Variants in AUTS2 observed in about 807,000 individuals in gnomAD.
The protein encoded by AUTS2 is autism susceptibility gene 2 protein.
Under a neutral mutation model 112.4 loss-of-function variants are expected in AUTS2, and 17 were observed. The ratio of observed to expected loss-of-function variants is 0.15; its 90% confidence interval spans 0.10 to 0.23. AUTS2 has a LOEUF of 0.23. Among genes scored for constraint, AUTS2 ranks in the 10% least tolerant of loss-of-function variants. The pLI, the probability that AUTS2 is intolerant of heterozygous loss-of-function variation, is 1.00. For synonymous variants in AUTS2, 751 were observed against 702.7 expected, an observed-to-expected ratio of 1.07 and a Z score of -1.09; for missense variants, 1,510 against 1,701.6, an observed-to-expected ratio of 0.89 and a Z score of 1.98.
At chr7:69,709,700 C>T (rs1307420891) in intron 1 of AUTS2, among the ~76,000 whole-genome samples, 1 of 152,150 alleles carries the variant, frequency 6.6e-6, no homozygotes. Flanking sequence ...TTTTCCTTCT[C>T]CTGAGTCTTT....
chr7:69,613,048 T>A (rs1433588632), intron 1 of AUTS2, among the ~76,000 whole-genome samples: 1 of 152,176 alleles, frequency 6.6e-6, no homozygotes, highest in Non-Finnish European at 1.5e-5. Flanking sequence ...AAAAAAAGAA[T>A]AATAATCTCT....
intron 5 of AUTS2, among the ~76,000 whole-genome samples, chr7:70,539,243 T>C (rs893921946): frequency 2.8e-4 from 43 of 152,208 alleles, no homozygotes; most frequent in Non-Finnish European, 4.3e-4. Flanking sequence ...GTTACTATGT[T>C]GTTGTTTGCC....
intron 6 of AUTS2, among the ~76,000 whole-genome samples, chr7:70,704,973 T>C (rs1809659077): frequency 6.6e-6 from 1 of 152,240 alleles, no homozygotes; most frequent in South Asian, 2.1e-4. Flanking sequence ...GCTTTGTACC[T>C]AATCACTCAA....
intron 4 of AUTS2, among the ~76,000 whole-genome samples, chr7:70,268,582 C>T (rs988943049): frequency 1.3e-5 from 2 of 152,104 alleles, no homozygotes; most frequent in African/African-American, 4.8e-5. Context: ...AGTCTCTTAA[C>T]CCTTCTTTAC....
At chr7:70,571,238 T>C (rs1296416501) in intron 5 of AUTS2, among the ~76,000 whole-genome samples, 1 of 152,176 alleles carries the variant, frequency 6.6e-6, no homozygotes, top group Non-Finnish European at 1.5e-5. Flanking sequence ...AGTAGAACTT[T>C]GGGTGGATTT....
rs553358644 is a variant in AUTS2, at chr7:70,377,283, A to G, written c.661-58469A>G. 9.7e-5 allele frequency among the ~76,000 whole-genome samples: 13 copies of G among 134,712 alleles called. No homozygotes were observed. In the East Asian group the frequency reaches 2.7e-3, roughly 28 times the overall value. 88.4% of individuals were successfully genotyped at this position (134,712 alleles called of 152,430 possible). On this transcript the variant is annotated intron_variant, in intron 4 of 18. Coordinates refer to ENST00000342771, the MANE Select transcript of AUTS2 (RefSeq NM_015570.4). The stretch of plus-strand genomic sequence containing the variant: ...CTCATACTCAAACTCTGAGGAGCCA[A>G]AGTCAGCTGAATGGTGTTTGGGTCT...
At chr7:69,913,203 C>T (rs939447518) in intron 2 of AUTS2, among the ~76,000 whole-genome samples, 4 of 152,216 alleles carry the variant, frequency 2.6e-5, no homozygotes, top group Non-Finnish European at 5.9e-5. Flanking sequence ...CTAGTTCAGA[C>T]CCACTTCTTC....
chr7:69,895,307 A>T (rs1403327896), intron 1 of AUTS2, among the ~76,000 whole-genome samples: 1 of 152,220 alleles, frequency 6.6e-6, no homozygotes, highest in East Asian at 1.9e-4. Flanking sequence ...GTAAGCAGTC[A>T]GTACCTGTTT....
At chr7:70,567,068 C>G (rs4717534) in intron 5 of AUTS2, among the ~76,000 whole-genome samples, 45,439 of 152,132 alleles carry the variant, frequency 0.3, 7,250 homozygotes, top group Admixed American at 0.42. Context: ...CATGTATAAA[C>G]CATGCTGCAC....
At chr7:69,931,856 A>T (rs1796239567) in intron 2 of AUTS2, among the ~76,000 whole-genome samples, 5 of 152,232 alleles carry the variant, frequency 3.3e-5, no homozygotes, top group Admixed American at 3.3e-4. Flanking sequence ...CAGCCTGCTA[A>T]TTTGAGAGTG....
chr7:69,966,598 A>G (rs1030186833), intron 2 of AUTS2, among the ~76,000 whole-genome samples: 1 of 152,160 alleles, frequency 6.6e-6, no homozygotes, highest in Non-Finnish European at 1.5e-5. Context: ...AATATTTTTT[A>G]CTTGGCAATA....
chr7:69,638,474 G>A (rs1321914572), intron 1 of AUTS2, among the ~76,000 whole-genome samples: 1 of 152,140 alleles, frequency 6.6e-6, no homozygotes, highest in African/African-American at 2.4e-5. Flanking sequence ...CCTTGATATG[G>A]TACTTTGTAT....
intron 1 of AUTS2, among the ~76,000 whole-genome samples, chr7:69,882,035 A>C (rs1470138187): frequency 6.6e-6 from 1 of 151,558 alleles, no homozygotes; most frequent in Non-Finnish European, 1.5e-5. Flanking sequence ...CTGTAACCCC[A>C]GCTACTCAGG....
intron 5 of AUTS2, among the ~76,000 whole-genome samples, chr7:70,558,194 G>A (rs111731966): frequency 1.8e-4 from 27 of 152,194 alleles, no homozygotes; most frequent in Non-Finnish European, 3.1e-4. Flanking sequence ...TGCTGTTCCC[G>A]AAGCCCAGGC....
chr7:70,287,156 A>G (rs894287459), intron 4 of AUTS2, among the ~76,000 whole-genome samples: 8 of 152,128 alleles, frequency 5.3e-5, no homozygotes, highest in Non-Finnish European at 7.4e-5. Flanking sequence ...TCCTTATGAG[A>G]TTCGCTGGAT....
intron 1 of AUTS2, among the ~76,000 whole-genome samples, chr7:69,796,792 T>G (rs1368775473): frequency 6.6e-6 from 1 of 152,222 alleles, no homozygotes; most frequent in Admixed American, 6.5e-5. Flanking sequence ...TTTTTTTAAT[T>G]GACCTTCATG....
At chr7:70,289,907 A>T (rs1788631712) in intron 4 of AUTS2, among the ~76,000 whole-genome samples, 1 of 152,214 alleles carries the variant, frequency 6.6e-6, no homozygotes, top group Non-Finnish European at 1.5e-5. Flanking sequence ...TGATTCTGAA[A>T]ACTTCAAAAC....
intron 2 of AUTS2, among the ~76,000 whole-genome samples, chr7:69,920,354 A>G (rs1307064327): frequency 6.6e-6 from 1 of 151,640 alleles, no homozygotes; most frequent in Non-Finnish European, 1.5e-5. Context: ...GTGCAGTGGT[A>G]CAATCTCACT....
chr7:70,745,886 G>A (rs1007185422), intron 6 of AUTS2, among the ~76,000 whole-genome samples: 4 of 152,128 alleles, frequency 2.6e-5, no homozygotes, highest in Non-Finnish European at 4.4e-5. Context: ...ACTCCAGAGA[G>A]ACATGATTTT....
Sources: allele counts gnomAD v4.1 joint callset (sites outside exome capture counted in the v4.1 genomes callset), GRCh38; gene constraint gnomAD v4.1.1; transcripts MANE v1.5; gene names NCBI Gene and HGNC (gene_info 2026-07-23, HGNC 2026-07-21).